The following PITPNM1 variants were observed in gnomAD, a reference collection of about 807,000 sequenced individuals.
PITPNM1 encodes membrane-associated phosphatidylinositol transfer protein 1.
PITPNM1 carries 74 observed loss-of-function variants against 133.3 expected under a neutral mutation model. That is an observed-to-expected ratio of 0.56 (90% CI 0.46 to 0.67). The LOEUF is 0.67. PITPNM1 is among the 30% of genes least tolerant of loss of function. The probability of loss-of-function intolerance (pLI) is 0.00; values close to 1 mark genes in which losing one functional copy is unlikely to be tolerated. For synonymous variants in PITPNM1, 738 were observed against 741.4 expected, an observed-to-expected ratio of 1.00 and a Z score of 0.08; for missense variants, 1,398 against 1,739.5, an observed-to-expected ratio of 0.80 and a Z score of 3.49.
intron 22 of PITPNM1, 61 bp downstream of exon 22, chr11:67,493,349 G>A (rs965745837): frequency 2.3e-5 from 33 of 1,457,774 alleles, no homozygotes; most frequent in Middle Eastern, 4.4e-4. Context: ...CGATCCGGGG[G>A]TGGAGGGTAA....
At position 67,493,744 on chromosome 11, in the gene PITPNM1, G is replaced by A. The variant is rs745914546; in HGVS notation, c.3102C>T (p.Ser1034=). 5.2e-6 allele frequency: 8 copies of A among 1,548,348 alleles called. No individual in the cohort carries two copies. In the African/African-American group the frequency reaches 6.8e-5, roughly 13 times the overall value. Residue 1034 remains serine, a synonymous_variant, in exon 21 of 24, where the codon AGC becomes AGT. Coordinates refer to ENST00000356404, the MANE Select transcript of PITPNM1 (RefSeq NM_004910.3). ...VFSIDGSFTA[S]VSIMGSDPKV... ...TGGGGTCGCTGCCCATGATGGAGAC[G>A]CTGGCGGTGAAGGAGCCGTCGATGC...
chr11:67,494,735 T>C, intron 18 of PITPNM1, 111 bp downstream of exon 18: 1 of 671,772 alleles, frequency 1.5e-6, no homozygotes, highest in African/African-American at 1.9e-5. Flanking sequence ...TGGGAGAGAG[T>C]TGGATCGGCT....
At position 67,498,194 on chromosome 11, in the gene PITPNM1, C is replaced by T. The variant is rs150154257; in HGVS notation, c.1613G>A (p.Arg538His). Residue 538 changes from arginine (R) to histidine (H), a missense_variant, in exon 11 of 24, where the codon CGC becomes CAC. Around this residue, in one of 5 missense-constraint regions of PITPNM1, gnomAD observed 574 missense variants for 698.7 expected, o/e 0.82. Transcript: ENST00000356404. This position sits in a 1 kb window ranked among gnomAD's most constrained non-coding sequence, Gnocchi z 5.7. The stretch of plus-strand genomic sequence containing the variant: ...GAAGGCTGAGTAGGCCTGGTTGGTG[C>T]GGGCAATGACGGTGGCCACGGCGCC... The part of the protein sequence containing the change: ...YQGAVATVIA[R>H]TNQAYSAFLR... 421 of 1,612,986 alleles carry T rather than the reference C, an allele frequency of 2.6e-4. No homozygotes were observed. The highest frequency in any genetic ancestry group is 3.3e-4 in the Non-Finnish European group (392 of 1,179,900).
intron 22 of PITPNM1, 101 bp downstream of exon 22, chr11:67,493,309 C>T (rs1027599719): frequency 3.0e-6 from 4 of 1,312,390 alleles, no homozygotes; most frequent in South Asian, 1.4e-5. Flanking sequence ...GGGCCCGGGC[C>T]GATCCAGTTG....
Position 67,500,415 on chromosome 11 carries a change from C to A in PITPNM1, c.647G>T (p.Arg216Leu). The A allele has an allele frequency of 6.2e-7, 1 of 1,607,588 alleles. No individual in the cohort carries two copies. The highest frequency in any genetic ancestry group is 2.2e-5 in the East Asian group (1 of 44,834). The change falls in exon 6 of 24, where the codon CGT becomes CTT. Residue 216 changes from arginine to leucine, a missense_variant. Transcript: ENST00000356404. The stretch of plus-strand genomic sequence containing the variant: ...GCGGTGGGCCCGCAGCATCACCCGA[C>A]GCAGACCTGCAGGTGCCCAGGCGTC... ...IEQFIHDVGL[R>L]RVMLRAHRQA...
chr11:67,497,850 G>C (rs1591059536), intron 12 of PITPNM1, 67 bp downstream of exon 12: 1 of 1,513,380 alleles, frequency 6.6e-7, no homozygotes, highest in Non-Finnish European at 9.1e-7. Context: ...GGCATTCCAG[G>C]GGGCAGAGAC....
chr11:67,497,232 C>T lies in PITPNM1; in HGVS notation c.2145G>A (p.Glu715=), dbSNP rs375465249. The T allele has an allele frequency of 1.2e-6, 2 of 1,603,734 alleles. No individual in the cohort carries two copies. The highest frequency in any genetic ancestry group is 2.2e-5 in the East Asian group (1 of 44,698). ...GCCCCCGCAGCCCCTAGGACTCACCCTCCAGGGCGGGCATCACAGTTTTGC... is the reference window on the plus strand; with the variant it reads ...GCCCCCGCAGCCCCTAGGACTCACCTTCCAGGGCGGGCATCACAGTTTTGC... ...ALRKTVMPAL[E]AAQMRPACEQ... Residue 715 remains glutamate, a splice_region_variant and synonymous_variant, in exon 14 of 24, where the codon GAG becomes GAA. Coordinates refer to ENST00000356404, the MANE Select transcript of PITPNM1 (RefSeq NM_004910.3).
At position 67,498,832 on chromosome 11, in the gene PITPNM1, G is replaced by A. The variant is rs773400216; in HGVS notation, c.1248C>T (p.Ala416=). Residue 416 remains alanine (A), a synonymous_variant, in exon 10 of 24, where the codon GCC becomes GCT. Coordinates refer to ENST00000356404, the MANE Select transcript of PITPNM1 (RefSeq NM_004910.3). The surrounding 1 kb of genome is among the most constrained non-coding windows in gnomAD (Gnocchi z 5.7). ...CGCATGCCTCAGCCCCCAGCTCCCCGGCTCCATCCAGGCCCTGGGGGGAAC... is the reference window on the plus strand; with the variant it reads ...CGCATGCCTCAGCCCCCAGCTCCCCAGCTCCATCCAGGCCCTGGGGGGAAC... ...APRDSEGLDG[A]GELGAEACAV... The A allele has an allele frequency of 8.1e-6, 13 of 1,610,180 alleles. No individual in the cohort carries two copies. The highest frequency in any genetic ancestry group is 5.5e-5 in the South Asian group (5 of 91,046).
At chr11:67,496,376 G>A in intron 14 of PITPNM1, 28 bp from the exon 15 acceptor site, 1 of 1,559,198 alleles carries the variant, frequency 6.4e-7, no homozygotes, top group Non-Finnish European at 8.6e-7. Flanking sequence ...GAGAAAGATT[G>A]TGGGGTCAGG....
At position 67,504,390 on chromosome 11, in the gene PITPNM1, A is replaced by G; in HGVS notation, c.-41-169T>C. ...CCGCGCCGCCGGGGCCGGGAGCCGC[A>G]GCGAGGCTGAGCGCTGACCTCTTTT... On this transcript the variant is annotated intron_variant, in intron 1 of 23. Transcript: ENST00000356404. This position sits in a 1 kb window ranked among gnomAD's most constrained non-coding sequence, Gnocchi z 5.4. 4.3e-6 allele frequency: 1 copy of G among 232,922 alleles called. No individual in the cohort carries two copies. Among genetic ancestry groups the G allele is most frequent in the Non-Finnish European group, 8.3e-6 (1 of 121,094 alleles). The allele number at this position is 232,922 out of a possible 1,614,324, so 14.4% of individuals were successfully genotyped here. A position where few individuals can be genotyped will look rare whatever the true frequency, so the allele number is the denominator to read the frequency against.
Position 67,497,996 on chromosome 11 carries a change from CCACCAA to C in PITPNM1, c.1697_1702del (p.Val566_Gly567del). On this transcript the variant is annotated inframe_deletion, in exon 12 of 24. Transcript: ENST00000356404. ...GCAGAGTGCATCAAAGCCCAGGATG[CCACCAA>C]CACCATCTCCAATCAGTGCGACCTG... 6.2e-7 allele frequency: 1 copy of C among 1,610,652 alleles called. No homozygotes were observed. The highest frequency in any genetic ancestry group is 1.1e-5 in the South Asian group (1 of 91,084).
At chr11:67,494,811 C>CAA (rs202207490) in intron 18 of PITPNM1, 35 bp downstream of exon 18, 9 of 1,347,480 alleles carry the variant, frequency 6.7e-6, no homozygotes, top group Non-Finnish European at 9.4e-6. Context: ...CGAGAGTGGG[C>CAA]GAGTGGGCGA....
intron 5 of PITPNM1, among the ~76,000 whole-genome samples, chr11:67,501,406 G>C (rs774102882): frequency 1.3e-5 from 2 of 152,220 alleles, no homozygotes; most frequent in Non-Finnish European, 2.9e-5. Flanking sequence ...GTCAGGTTGA[G>C]GGGAGGTGTG....
At chr11:67,493,879 C>A in intron 20 of PITPNM1, 42 bp from the exon 21 acceptor site, 1 of 1,522,500 alleles carries the variant, frequency 6.6e-7, no homozygotes, top group South Asian at 1.3e-5. Flanking sequence ...CGGGGCGAGG[C>A]CTGGCGGAGC....
chr11:67,495,277 G>T, intron 16 of PITPNM1, 52 bp from the exon 17 acceptor site: 1 of 1,527,258 alleles, frequency 6.5e-7, no homozygotes, highest in South Asian at 1.3e-5. Flanking sequence ...ACACCCATCT[G>T]CCTGGGCGCT....
intron 12 of PITPNM1, 48 bp from the exon 13 acceptor site, chr11:67,497,727 G>A (rs745494608): frequency 8.1e-6 from 13 of 1,595,726 alleles, no homozygotes; most frequent in Non-Finnish European, 1.0e-5. Flanking sequence ...GGGACCATTC[G>A]AATTCTACTT....
Position 67,502,542 on chromosome 11 carries a change from T to A in PITPNM1, c.255A>T (p.Glu85Asp), listed in dbSNP as rs768465918. ...ALLPKAALQV[E>D]EESWNAYPYT... ...AGGGGTAGGCATTCCAGGATTCCTC[T>A]TCTACCTGCAGGGCAGCCTTGGGCA... Residue 85 changes from glutamate to aspartate, a missense_variant, in exon 3 of 24, where the codon GAA (glutamate) becomes GAT (aspartate). This residue lies in a region of PITPNM1 where 274 missense variants were observed against 360.7 expected (regional missense o/e 0.76). Coordinates refer to ENST00000356404, the MANE Select transcript of PITPNM1 (RefSeq NM_004910.3). This position sits in a 1 kb window ranked among gnomAD's most constrained non-coding sequence, Gnocchi z 5.9. 2.5e-6 allele frequency: 4 copies of A among 1,613,628 alleles called. No individual in the cohort carries two copies. The African/African-American group carries it at 5.3e-5, about 22-fold the overall frequency.
At position 67,500,077 on chromosome 11, in the gene PITPNM1, C is replaced by G; in HGVS notation, c.967+18G>C. 1 of 1,600,564 alleles carries G rather than the reference C, an allele frequency of 6.2e-7. No individual in the cohort carries two copies. The highest frequency in any genetic ancestry group is 8.5e-7 in the Non-Finnish European group (1 of 1,171,030). On this transcript the variant is annotated intron_variant, in intron 6 of 23. Coordinates refer to ENST00000356404, the MANE Select transcript of PITPNM1 (RefSeq NM_004910.3). ...CCTGGGGAGGGCCGTTCCTCCCATC[C>G]CTGTGCCCCAGCCTCACCTCCATGT... is the stretch of plus-strand genomic sequence containing the variant.
chr11:67,502,464 C>A lies in PITPNM1; in HGVS notation c.293+40G>T. The A allele has an allele frequency of 6.2e-7, 1 of 1,613,568 alleles. No individual in the cohort carries two copies. The highest frequency in any genetic ancestry group is 8.5e-7 in the Non-Finnish European group (1 of 1,179,874). On this transcript the variant is annotated intron_variant, in intron 3 of 23. Coordinates refer to ENST00000356404, the MANE Select transcript of PITPNM1 (RefSeq NM_004910.3). The surrounding 1 kb of genome is among the most constrained non-coding windows in gnomAD (Gnocchi z 5.9). ...CACTGCTGTACCCACCAGGGCCGCTCCCCTCCTGGCCTCGGACCATGCCCA... is the reference window on the plus strand; with the variant it reads ...CACTGCTGTACCCACCAGGGCCGCTACCCTCCTGGCCTCGGACCATGCCCA...
Sources: gnomAD v4.1 joint callset for allele counts (sites outside exome capture counted in the v4.1 genomes callset) on GRCh38, gnomAD v4.1.1 for gene constraint, gnomAD v4.1.1 regional missense constraint, Gnocchi (gnomAD v3.1) non-coding constraint, MANE v1.5 for transcripts, NCBI Gene and HGNC (gene_info 2026-07-23, HGNC 2026-07-21) for gene names.